The following AEBP2 variants were observed in gnomAD, a reference collection of about 807,000 sequenced individuals.
The protein encoded by AEBP2 is AE binding protein 2, also known as zinc finger protein AEBP2.
Under a neutral mutation model 50.8 loss-of-function variants are expected in AEBP2, and 10 were observed. The ratio of observed to expected loss-of-function variants is 0.20; its 90% CI spans 0.12 to 0.33. The LOEUF is 0.33. Among genes scored for constraint, AEBP2 ranks in the 10% least tolerant of loss-of-function variants. AEBP2 has a pLI of 1.00. For missense variants in AEBP2, 570 were observed against 688.0 expected (o/e 0.83, Z 1.92); for synonymous variants, 296 against 261.3 (o/e 1.13, Z -1.28).
intron 5 of AEBP2, among the ~76,000 whole-genome samples, chr12:19,503,307 C>T (rs952344455): frequency 6.6e-6 from 1 of 151,492 alleles, no homozygotes; most frequent in African/African-American, 2.4e-5. Flanking sequence ...TTGTTTACCT[C>T]CTTGGTTAGA....
intron 3 of AEBP2, among the ~76,000 whole-genome samples, chr12:19,486,526 G>T (rs1760675769): frequency 6.6e-6 from 1 of 151,986 alleles, no homozygotes; most frequent in Admixed American, 6.6e-5. Context: ...CAAGTAGCTG[G>T]GATTCAGGCC....
chr12:19,512,597 A>T, intron 6 of AEBP2, 132 bp downstream of exon 6: 2 of 630,386 alleles, frequency 3.2e-6, no homozygotes, highest in Non-Finnish European at 5.3e-6. Flanking sequence ...GGTTGTCAGG[A>T]TTAAAGAGAT....
At position 19,495,547 on chromosome 12, in the gene AEBP2, C is replaced by CTTTTTTTTTT. The variant is rs35060511; in HGVS notation, c.1174+1566_1174+1575dup. 2.1e-3 allele frequency among the ~76,000 whole-genome samples: 301 copies of CTTTTTTTTTT among 140,996 alleles called. 2 individuals are homozygous for CTTTTTTTTTT. The highest frequency in any genetic ancestry group is 7.3e-3 in the African/African-American group (282 of 38,434). 92.5% of individuals were successfully genotyped at this position (140,996 alleles called of 152,430 possible). A position where few individuals can be genotyped will look rare whatever the true frequency, so the allele number is the denominator to read the frequency against. On this transcript the variant is annotated intron_variant, in intron 4 of 7. Transcript: ENST00000266508. ...TAAACTCTCTTAAATTTCATTCTTG[C>CTTTTTTTTTT]TTTTTTTTTTTTTTGATACAGGGTC...
intron 1 of AEBP2, among the ~76,000 whole-genome samples, chr12:19,411,957 TA>T (rs1400964655): frequency 1.3e-5 from 2 of 152,264 alleles, no homozygotes; most frequent in Admixed American, 6.5e-5. Flanking sequence ...TGTCTGACTC[TA>T]AACTGGGTCC....
At chr12:19,480,705 C>T (rs1267554775) in intron 3 of AEBP2, among the ~76,000 whole-genome samples, 1 of 152,094 alleles carries the variant, frequency 6.6e-6, no homozygotes, top group Admixed American at 6.6e-5. Context: ...GCTTTTGTCC[C>T]ACAACTCGTA....
chr12:19,496,975 T>A (rs1002627778), intron 4 of AEBP2, among the ~76,000 whole-genome samples: 1 of 151,300 alleles, frequency 6.6e-6, no homozygotes, highest in Non-Finnish European at 1.5e-5. Flanking sequence ...CTGATAAAAT[T>A]TATATATATA....
chr12:19,497,328 G>GATTTTT lies in AEBP2; in HGVS notation c.1175-2769_1175-2768insATTTTT, dbSNP rs1555186666. Among the ~76,000 whole-genome samples the GATTTTT allele has an allele frequency of 6.1e-4, 48 of 78,716 alleles. 5 individuals are homozygous for GATTTTT. The highest frequency in any genetic ancestry group is 2.4e-3 in the African/African-American group (46 of 19,468). The allele number at this position is 78,716 out of a possible 152,430, so 51.6% of individuals were successfully genotyped here. A position where few individuals can be genotyped will look rare whatever the true frequency, so the allele number is the denominator to read the frequency against. Reference sequence around the variant, plus strand: ...TTCTATTTTTGTGGTTTCCAAAGGTGTTTTTTTTTTTTTTTTTTTTTTTTG... The same window carrying GATTTTT: ...TTCTATTTTTGTGGTTTCCAAAGGTGATTTTTTTTTTTTTTTTTTTTTTTTTTTTTG... On this transcript the variant is annotated intron_variant, in intron 4 of 7. Coordinates refer to ENST00000266508, the MANE Select transcript of AEBP2 (RefSeq NM_153207.5).
At chr12:19,456,474 A>T in intron 1 of AEBP2, 1 of 1,477,822 alleles carries the variant, frequency 6.8e-7, no homozygotes, top group Non-Finnish European at 9.4e-7. Flanking sequence ...GCCATCTTCC[A>T]GCTTTTTACC....
rs1178485488 is a variant in AEBP2, at chr12:19,501,133, C to T, written c.1299+912C>T. ...TCACCTGAGGCCAGGAGTTCGAGAC[C>T]AGCCTGGCCAACGTGGCAAAACCCT... On this transcript the variant is annotated intron_variant, in intron 5 of 7. Transcript: ENST00000266508. Among the ~76,000 whole-genome samples, 4 of 152,122 alleles carry T rather than the reference C, an allele frequency of 2.6e-5. No individual in the cohort carries two copies. In the East Asian group the frequency reaches 7.8e-4, roughly 29 times the overall value.
At chr12:19,457,447 C>A in intron 1 of AEBP2, 1 of 1,522,154 alleles carries the variant, frequency 6.6e-7, no homozygotes, top group Non-Finnish European at 8.9e-7. Flanking sequence ...ATACCACGTT[C>A]ACGCTCAGCT....
intron 5 of AEBP2, among the ~76,000 whole-genome samples, chr12:19,511,314 C>T (rs898330561): frequency 7.9e-5 from 12 of 152,134 alleles, no homozygotes; most frequent in Non-Finnish European, 1.5e-4. Context: ...CAGAAAGCCC[C>T]GGAGAGTTGG....
At chr12:19,444,716 CCAT>C (rs1948028098) in intron 1 of AEBP2, among the ~76,000 whole-genome samples, 2 of 152,208 alleles carry the variant, frequency 1.3e-5, no homozygotes, top group Non-Finnish European at 2.9e-5. Flanking sequence ...TTGGAGGAAT[CCAT>C]CCACGTTGCT....
intron 1 of AEBP2, among the ~76,000 whole-genome samples, chr12:19,444,138 G>A (rs1414040302): frequency 6.6e-6 from 1 of 151,958 alleles, no homozygotes; most frequent in Non-Finnish European, 1.5e-5. Flanking sequence ...TAATTTCAGA[G>A]GCTATGGTAA....
upstream of AEBP2, among the ~76,000 whole-genome samples, chr12:19,436,480 AC>A (rs1257767108): frequency 2.6e-5 from 4 of 151,682 alleles, no homozygotes; most frequent in African/African-American, 9.7e-5. Flanking sequence ...GTATGGACTT[AC>A]CCCAAATTCT....
intron 1 of AEBP2, among the ~76,000 whole-genome samples, chr12:19,415,343 A>C (rs1380172405): frequency 2.5e-5 from 1 of 40,418 alleles, no homozygotes; most frequent in African/African-American, 9.3e-5. Context: ...AAAAAAAAAA[A>C]AAAAAAAATA....
chr12:19,440,417 C>T (rs771648202), intron 1 of AEBP2, 47 bp downstream of exon 1: 6 of 1,454,298 alleles, frequency 4.1e-6, no homozygotes, highest in East Asian at 4.7e-5. Context: ...TCTTGAACTC[C>T]CGGGCCCCTC....
intron 1 of AEBP2, among the ~76,000 whole-genome samples, chr12:19,441,162 A>T (rs1947951887): frequency 6.6e-6 from 1 of 152,228 alleles, no homozygotes; most frequent in Non-Finnish European, 1.5e-5. Context: ...TCATGATTTT[A>T]AATGATAATA....
chr12:19,427,973 T>A (rs1439112896), intron 1 of AEBP2, among the ~76,000 whole-genome samples: 2 of 151,996 alleles, frequency 1.3e-5, no homozygotes. Flanking sequence ...AATGGTGTGA[T>A]CTCCCGTAAT....
At chr12:19,505,165 C>T (rs1274728111) in intron 5 of AEBP2, among the ~76,000 whole-genome samples, 2 of 152,194 alleles carry the variant, frequency 1.3e-5, no homozygotes, top group Non-Finnish European at 2.9e-5. Flanking sequence ...GAGCCTTGCT[C>T]ACCGAGGCTG....
Sources: allele counts gnomAD v4.1 joint callset (sites outside exome capture counted in the v4.1 genomes callset), GRCh38; gene constraint gnomAD v4.1.1; transcripts MANE v1.5; gene names NCBI Gene and HGNC (gene_info 2026-07-23, HGNC 2026-07-21).